FCRL1: variants seen among roughly 807,000 people sequenced by gnomAD.
The protein encoded by FCRL1 is Fc receptor like 1.
FCRL1 carries 34 observed loss-of-function variants against 49.2 expected under a neutral mutation model. The ratio of observed to expected loss-of-function variants is 0.69; its 90% confidence interval spans 0.53 to 0.92. The LOEUF is 0.92. FCRL1 is among the 40% of genes least tolerant of loss of function. FCRL1 has a pLI of 0.00. For synonymous variants in FCRL1, 218 were observed against 201.6 expected, an observed-to-expected ratio of 1.08 and a Z score of -0.69; for missense variants, 524 against 524.1, an observed-to-expected ratio of 1.00 and a Z score of 0.00.
chr1:157,797,975 CCT>C lies in FCRL1; in HGVS notation c.1115-38_1115-37del, dbSNP rs748367276. On this transcript the variant is annotated intron_variant, in intron 8 of 10. Coordinates refer to ENST00000368176, the MANE Select transcript of FCRL1 (RefSeq NM_052938.5). ...AGGAGGGAGACTTCATGACACAGCCCCTGATTCCTGTCTTTCAAATTACTCCA... is the reference window on the plus strand; with the variant it reads ...AGGAGGGAGACTTCATGACACAGCCCGATTCCTGTCTTTCAAATTACTCCA... 213 of 1,600,802 alleles carry C rather than the reference CCT, an allele frequency of 1.3e-4. No individual in the cohort carries two copies. The Admixed American group carries it at 1.6e-3, about 12-fold the overall frequency.
intron 3 of FCRL1, among the ~76,000 whole-genome samples, chr1:157,802,873 A>T (rs1208751165): frequency 6.6e-6 from 1 of 152,196 alleles, no homozygotes; most frequent in Non-Finnish European, 1.5e-5. Context: ...TACAAGGCAT[A>T]GCATCACCTC....
At chr1:157,798,431 C>T (rs911203969) in intron 7 of FCRL1, among the ~76,000 whole-genome samples, 188 bp from the exon 8 acceptor site, 4 of 152,056 alleles carry the variant, frequency 2.6e-5, no homozygotes, top group African/African-American at 4.8e-5. Flanking sequence ...AGTGGGGCAC[C>T]GCAGAGCATG....
Position 157,802,057 on chromosome 1 carries a change from G to C in FCRL1, c.744C>G (p.Thr248=), listed in dbSNP as rs1571354408. The part of the protein sequence containing the change: ...ILYWFYHEDI[T]LGSRSAPSGG... Reference sequence around the variant, plus strand: ...CAGAGGGGGCCGACCTGCTCCCCAGGGTGATATCCTCGTGATAAAACCAGT... The same window carrying C: ...CAGAGGGGGCCGACCTGCTCCCCAGCGTGATATCCTCGTGATAAAACCAGT... Residue 248 remains threonine (T), a synonymous_variant, in exon 5 of 11, where the codon ACC becomes ACG. Transcript: ENST00000368176. The C allele has an allele frequency of 1.2e-6, 2 of 1,614,194 alleles. No individual in the cohort carries two copies. Among genetic ancestry groups the C allele is most frequent in the Non-Finnish European group, 1.7e-6 (2 of 1,180,038 alleles).
intron 2 of FCRL1, among the ~76,000 whole-genome samples, chr1:157,805,225 C>T (rs1011853520): frequency 6.6e-6 from 1 of 152,104 alleles, no homozygotes; most frequent in Admixed American, 6.5e-5. Context: ...CCCCAACTTG[C>T]AGCAGCCCAT....
intron 1 of FCRL1, among the ~76,000 whole-genome samples, chr1:157,808,245 G>C (rs1653773870): frequency 6.6e-6 from 1 of 152,150 alleles, no homozygotes; most frequent in Admixed American, 6.5e-5. Flanking sequence ...TAGTGGTAGA[G>C]AGCCAATTTA....
intron 1 of FCRL1, among the ~76,000 whole-genome samples, chr1:157,816,393 C>A (rs1376627367): frequency 6.6e-6 from 1 of 151,818 alleles, no homozygotes; most frequent in Non-Finnish European, 1.5e-5. Context: ...AATTCAACAT[C>A]CATTTACGTT....
chr1:157,801,821 G>A (rs1270711425), intron 5 of FCRL1, 94 bp downstream of exon 5: 1 of 1,457,528 alleles, frequency 6.9e-7, no homozygotes, highest in African/African-American at 1.4e-5. Flanking sequence ...ACCATGGGTA[G>A]CAAACCCCCG....
In FCRL1 at chr1:157,798,156, C is replaced by G; in HGVS notation, c.1114+5G>C. ...CGTTGGCCTGGGCCATTTGGGAAGGCTCACCATTTTCATATATAGGCTGTA... is the reference window on the plus strand; with the variant it reads ...CGTTGGCCTGGGCCATTTGGGAAGGGTCACCATTTTCATATATAGGCTGTA... On this transcript the variant is annotated splice_donor_5th_base_variant and intron_variant, in intron 8 of 10. Transcript: ENST00000368176. 1 of 1,609,896 alleles carries G rather than the reference C, an allele frequency of 6.2e-7. No homozygotes were observed. Among genetic ancestry groups the G allele is most frequent in the Non-Finnish European group, 8.5e-7 (1 of 1,177,648 alleles).
chr1:157,796,273 C>T (rs566058434), intron 10 of FCRL1, 103 bp from the exon 11 acceptor site: 9 of 928,260 alleles, frequency 9.7e-6, no homozygotes, highest in East Asian at 2.5e-5. Flanking sequence ...TGGCACATCA[C>T]GCAATGCAAA....
At position 157,796,039 on chromosome 1, in the gene FCRL1, A is replaced by T. The variant is rs1651410760; in HGVS notation, c.*60T>A. ...TAATGCCCCAGGATCTCTGAAGAAC[A>T]TATCAGGCCTGAGGCTTGGGGTCAT... On this transcript the variant is annotated 3_prime_UTR_variant, in exon 11 of 11. Coordinates refer to ENST00000368176, the MANE Select transcript of FCRL1 (RefSeq NM_052938.5). 1 of 1,375,094 alleles carries T rather than the reference A, an allele frequency of 7.3e-7. No homozygotes were observed. Among genetic ancestry groups the T allele is most frequent in the Non-Finnish European group, 1.0e-6 (1 of 962,222 alleles). 85.2% of individuals were successfully genotyped at this position (1,375,094 alleles called of 1,614,324 possible).
rs767334843 is a variant in FCRL1 at position 157,801,544 on chromosome 1, G to C, written c.920C>G (p.Ser307Ter). 6.2e-7 allele frequency: 1 copy of C among 1,613,990 alleles called. No homozygotes were observed. The highest frequency in any genetic ancestry group is 8.5e-7 in the Non-Finnish European group (1 of 1,179,932). ...GCTGAGCAGCCCCTCAATGACTCCTGAGGTAAGATGATTGCTTCTGGCCCC... is the reference window on the plus strand; with the variant it reads ...GCTGAGCAGCCCCTCAATGACTCCTCAGGTAAGATGATTGCTTCTGGCCCC... ...PTGARSNHLT[S>*]GVIEGLLSTL... The change falls in exon 6 of 11, where the codon TCA (serine) becomes TGA (stop). Residue 307 changes from serine (S) to a stop codon, truncating the protein, a stop_gained. Coordinates refer to ENST00000368176, the MANE Select transcript of FCRL1 (RefSeq NM_052938.5). LOFTEE classifies it high-confidence loss of function.
intron 1 of FCRL1, among the ~76,000 whole-genome samples, chr1:157,811,062 G>C (rs1318422732): frequency 6.6e-6 from 1 of 152,162 alleles, no homozygotes; most frequent in Non-Finnish European, 1.5e-5. Context: ...ATTATAGCAT[G>C]AGCCACCACA....
intron 1 of FCRL1, among the ~76,000 whole-genome samples, chr1:157,818,595 G>A (rs1256216730): frequency 6.6e-6 from 1 of 152,058 alleles, no homozygotes; most frequent in Non-Finnish European, 1.5e-5. Context: ...CAAATATAGA[G>A]AGACAGAAAG....
intron 1 of FCRL1, among the ~76,000 whole-genome samples, chr1:157,819,609 G>T (rs1409674753): frequency 6.6e-6 from 1 of 152,110 alleles, no homozygotes; most frequent in Admixed American, 6.5e-5. Context: ...TAAGTTCTAA[G>T]GTTTGACTGT....
intron 1 of FCRL1, among the ~76,000 whole-genome samples, chr1:157,810,287 CTTTTTCT>C (rs1436606173): frequency 5.0e-4 from 59 of 119,088 alleles, no homozygotes; most frequent in African/African-American, 1.5e-3. Flanking sequence ...AAGTAAATTT[CTTTTTCT>C]TTTTTCTTTT....
chr1:157,801,985 T>C lies in FCRL1; in HGVS notation c.816A>G (p.Gly272=). 2 of 1,614,246 alleles carry C rather than the reference T, an allele frequency of 1.2e-6. No individual in the cohort carries two copies. The highest frequency in any genetic ancestry group is 1.7e-6 in the Non-Finnish European group (2 of 1,180,046). The change falls in exon 5 of 11, where the codon GGA becomes GGG. Residue 272 remains glycine, a synonymous_variant. Transcript: ENST00000368176. Reference sequence around the variant, plus strand: ...CATTGTTGGCCTCACAGGAGTAGTTTCCAGAATGTTCTTCAGTCAGGGAAA... The same window carrying C: ...CATTGTTGGCCTCACAGGAGTAGTTCCCAGAATGTTCTTCAGTCAGGGAAA... ...FNLSLTEEHS[G]NYSCEANNGL... is the part of the protein sequence containing the mutation.
At position 157,811,478 on chromosome 1, in the gene FCRL1, C is replaced by A. The variant is rs1051862864; in HGVS notation, c.32-4356G>T. On this transcript the variant is annotated intron_variant, in intron 1 of 10. Transcript: ENST00000368176. Reference sequence around the variant, plus strand: ...TGAAAACAAAAGGTAAAGAAGTCCCCAGAAGCCCCCATTATATCTGTGGAC... The same window carrying A: ...TGAAAACAAAAGGTAAAGAAGTCCCAAGAAGCCCCCATTATATCTGTGGAC... Among the ~76,000 whole-genome samples, 13 of 152,202 alleles carry A rather than the reference C, an allele frequency of 8.5e-5. No individual in the cohort carries two copies. In the East Asian group the frequency reaches 2.5e-3, roughly 29 times the overall value.
chr1:157,819,963 A>G, intron 1 of FCRL1, 44 bp downstream of exon 1: 7 of 1,612,286 alleles, frequency 4.3e-6, no homozygotes, highest in South Asian at 3.3e-5. Context: ...GCAGAGCCCA[A>G]GCATGATTGC....
intron 1 of FCRL1, among the ~76,000 whole-genome samples, chr1:157,816,158 C>G (rs1189931851): frequency 1.3e-5 from 2 of 151,858 alleles, no homozygotes; most frequent in Non-Finnish European, 3.0e-5. Flanking sequence ...AAGAAAACTA[C>G]AGGCTGATAT....
Sources: gnomAD v4.1 joint callset for allele counts (sites outside exome capture counted in the v4.1 genomes callset) on GRCh38, gnomAD v4.1.1 for gene constraint, MANE v1.5 for transcripts, NCBI Gene and HGNC (gene_info 2026-07-23, HGNC 2026-07-21) for gene names.